Variants in TRPM3 observed in about 807,000 individuals in gnomAD.
TRPM3 encodes long transient receptor potential channel 3.
TRPM3 carries 77 observed loss-of-function variants against 181.2 expected under a neutral mutation model. The ratio of observed to expected loss-of-function variants is 0.42; its 90% CI spans 0.35 to 0.51. TRPM3 has a LOEUF of 0.51. Among genes scored for constraint, TRPM3 ranks in the 20% least tolerant of loss-of-function variants. TRPM3 has a pLI of 0.01. For missense variants in TRPM3, 1,759 were observed against 2,196.7 expected (o/e 0.80, Z 3.98); for synonymous variants, 745 against 796.4 (o/e 0.94, Z 1.09).
At chr9:71,357,002 C>T (rs1303170227) in intron 1 of TRPM3, among the ~76,000 whole-genome samples, 2 of 152,048 alleles carry the variant, frequency 1.3e-5, no homozygotes, top group Non-Finnish European at 2.9e-5. Flanking sequence ...AACATGGCTC[C>T]TGTCAAGTCA....
intron 1 of TRPM3, among the ~76,000 whole-genome samples, chr9:71,048,948 A>G (rs536235225): frequency 9.2e-5 from 14 of 152,340 alleles, no homozygotes; most frequent in South Asian, 2.1e-4. Context: ...ATTCTTGCCC[A>G]CATTAGCTAT....
Position 70,890,139 on chromosome 9 carries a change from C to T in TRPM3, c.178-25628G>A, listed in dbSNP as rs561700480. Among the ~76,000 whole-genome samples, 20 of 149,216 alleles carry T rather than the reference C, an allele frequency of 1.3e-4. 1 individual carries two copies. In the South Asian group the frequency reaches 3.6e-3, roughly 27 times the overall value. ...ATATATACAATAATATAATCAGTAG[C>T]CTCAGAGAACTAAAGAAGACCCAAG... On this transcript the variant is annotated intron_variant, in intron 1 of 25. Coordinates refer to ENST00000677713, the MANE Select transcript of TRPM3 (RefSeq NM_001366145.2).
chr9:70,536,788 C>A lies in TRPM3; in HGVS notation c.4325G>T (p.Ser1442Ile), dbSNP rs769483244. The A allele has an allele frequency of 2.5e-6, 4 of 1,614,142 alleles. No homozygotes were observed. The highest frequency in any genetic ancestry group is 3.4e-6 in the Non-Finnish European group (4 of 1,180,024). Reference protein sequence around the residue: ...SVNILGLGEPSFSTPVPSTAP... With the variant: ...SVNILGLGEPIFSTPVPSTAP... Reference sequence around the variant, plus strand: ...TGTGGAAGGTACTGGAGTTGAAAAGCTTGGCTCGCCCAGCCCAAGGATGTT... The same window carrying A: ...TGTGGAAGGTACTGGAGTTGAAAAGATTGGCTCGCCCAGCCCAAGGATGTT... The change falls in exon 26 of 26, where the codon AGC becomes ATC. Residue 1442 changes from serine to isoleucine, a missense_variant. Physicochemically the swap from Ser to Ile is moderately radical, Grantham distance 142. Coordinates refer to ENST00000677713, the MANE Select transcript of TRPM3 (RefSeq NM_001366145.2).
At chr9:71,370,518 A>G (rs2092475580) in intron 1 of TRPM3, among the ~76,000 whole-genome samples, 1 of 152,238 alleles carries the variant, frequency 6.6e-6, no homozygotes, top group Non-Finnish European at 1.5e-5. Context: ...CCTTAGGCCA[A>G]AGCCTCATCT....
At chr9:70,871,756 T>C (rs2095793742) in intron 1 of TRPM3, among the ~76,000 whole-genome samples, 1 of 152,016 alleles carries the variant, frequency 6.6e-6, no homozygotes, top group East Asian at 1.9e-4. Context: ...TCAGATGTAG[T>C]TTAGAGTGAA....
chr9:71,109,914 C>T (rs2134191096), intron 1 of TRPM3, among the ~76,000 whole-genome samples: 1 of 152,160 alleles, frequency 6.6e-6, no homozygotes, highest in African/African-American at 2.4e-5. Flanking sequence ...AGGAAAGTAC[C>T]CTGTAAATTG....
chr9:70,638,459 T>C (rs920151444), intron 11 of TRPM3, among the ~76,000 whole-genome samples: 2 of 152,228 alleles, frequency 1.3e-5, no homozygotes, highest in African/African-American at 4.8e-5. Flanking sequence ...ACTTAACTCA[T>C]GTGAATGCTC....
intron 1 of TRPM3, among the ~76,000 whole-genome samples, chr9:70,971,512 A>T (rs2097246054): frequency 6.6e-6 from 1 of 152,150 alleles, no homozygotes; most frequent in Non-Finnish European, 1.5e-5. Context: ...ATGGCACCCG[A>T]ATCCCTATTA....
At chr9:70,628,764 A>T (rs1300667274) in intron 12 of TRPM3, among the ~76,000 whole-genome samples, 2 of 143,294 alleles carry the variant, frequency 1.4e-5, no homozygotes, top group East Asian at 4.6e-4. Flanking sequence ...TGTTGAAGTG[A>T]GCCGAGATTG....
intron 8 of TRPM3, among the ~76,000 whole-genome samples, chr9:70,742,391 T>C (rs927846522): frequency 6.6e-6 from 1 of 152,094 alleles, no homozygotes; most frequent in Non-Finnish European, 1.5e-5. Flanking sequence ...CAGATCAGGG[T>C]AATTAGCATA....
rs754071134 is a variant in TRPM3 at position 70,699,665 on chromosome 9, T to A, written c.1273-18087A>T. The stretch of plus-strand genomic sequence containing the variant: ...AAGCTGATAAGTGACAGAATCAAGA[T>A]TTGACCTCAGATCTGGAGCCTCTCT... On this transcript the variant is annotated intron_variant, in intron 8 of 25. Coordinates refer to ENST00000677713, the MANE Select transcript of TRPM3 (RefSeq NM_001366145.2). Among the ~76,000 whole-genome samples, 139 of 152,168 alleles carry A rather than the reference T, an allele frequency of 9.1e-4. 1 individual carries two copies. Among genetic ancestry groups the A allele is most frequent in the Non-Finnish European group, 1.6e-3 (106 of 68,014 alleles).
chr9:71,052,034 T>C (rs959824695), intron 1 of TRPM3, among the ~76,000 whole-genome samples: 9 of 152,114 alleles, frequency 5.9e-5, no homozygotes, highest in Non-Finnish European at 1.3e-4. Context: ...CACTTCATAT[T>C]AGAGAAATCT....
chr9:71,047,144 A>G (rs1022901445), intron 1 of TRPM3, among the ~76,000 whole-genome samples: 3 of 152,164 alleles, frequency 2.0e-5, no homozygotes, highest in African/African-American at 7.2e-5. Context: ...AATGAACTTA[A>G]TGAAATGTTT....
At chr9:71,195,564 C>G (rs909505806) in intron 1 of TRPM3, among the ~76,000 whole-genome samples, 11 of 152,026 alleles carry the variant, frequency 7.2e-5, no homozygotes, top group African/African-American at 2.7e-4. Flanking sequence ...CCTCAAAGAG[C>G]TAAAAATAGA....
intron 1 of TRPM3, among the ~76,000 whole-genome samples, chr9:71,379,770 T>C (rs2092754345): frequency 6.6e-6 from 1 of 151,966 alleles, no homozygotes; most frequent in Non-Finnish European, 1.5e-5. Flanking sequence ...TATACATCTG[T>C]GAATCAGACA....
At chr9:71,304,315 G>A (rs2087057567) in intron 1 of TRPM3, among the ~76,000 whole-genome samples, 1 of 152,156 alleles carries the variant, frequency 6.6e-6, no homozygotes, top group African/African-American at 2.4e-5. Context: ...TTCCAAACTA[G>A]TGTCAGCTTT....
intron 1 of TRPM3, among the ~76,000 whole-genome samples, chr9:71,378,488 C>T (rs1343621056): frequency 6.6e-6 from 1 of 152,072 alleles, no homozygotes; most frequent in African/African-American, 2.4e-5. Context: ...ACAGCCTGTG[C>T]TATCATTTTC....
At chr9:70,895,596 A>G (rs1413436795) in intron 1 of TRPM3, among the ~76,000 whole-genome samples, 2 of 152,218 alleles carry the variant, frequency 1.3e-5, no homozygotes, top group Non-Finnish European at 2.9e-5. Context: ...TCCCAGTATT[A>G]TGAGCAAAGA....
At chr9:71,423,236 T>C (rs867596566) in intron 1 of TRPM3, among the ~76,000 whole-genome samples, 1 of 152,122 alleles carries the variant, frequency 6.6e-6, no homozygotes. Context: ...AACTTTAGAC[T>C]GAAAACATTA....
Sources: gnomAD v4.1 joint callset for allele counts (sites outside exome capture counted in the v4.1 genomes callset) on GRCh38, gnomAD v4.1.1 for gene constraint, MANE v1.5 for transcripts, NCBI Gene and HGNC (gene_info 2026-07-23, HGNC 2026-07-21) for gene names.